The following NSG2 variants were observed in gnomAD, a reference collection of about 807,000 sequenced individuals.
The protein encoded by NSG2 is neuronal vesicle trafficking associated 2.
Under a neutral mutation model 16.9 loss-of-function variants are expected in NSG2, and 4 were observed. The observed-to-expected ratio is 0.24, with a 90% CI of 0.12 to 0.54. NSG2 has a LOEUF of 0.54. Among genes scored for constraint, NSG2 ranks in the 20% least tolerant of loss-of-function variants. The pLI, the probability that NSG2 is intolerant of heterozygous loss-of-function variation, is 0.95. For synonymous variants in NSG2, 98 were observed against 88.7 expected (o/e 1.11, Z -0.59); for missense variants, 179 against 221.1 (o/e 0.81, Z 1.21).
intron 3 of NSG2, among the ~76,000 whole-genome samples, chr5:174,075,828 T>A (rs952600548): frequency 4.6e-5 from 7 of 152,246 alleles, no homozygotes; most frequent in African/African-American, 1.4e-4. Flanking sequence ...CAGCTTTTCA[T>A]GTTGCCAGTA....
At chr5:174,101,591 G>A (rs963599823) in intron 3 of NSG2, among the ~76,000 whole-genome samples, 7 of 152,220 alleles carry the variant, frequency 4.6e-5, no homozygotes, top group East Asian at 3.8e-4. Flanking sequence ...TCAGCATCAC[G>A]TTTGAAGGGC....
chr5:174,083,322 T>C (rs1245888815), intron 3 of NSG2, among the ~76,000 whole-genome samples: 1 of 152,218 alleles, frequency 6.6e-6, no homozygotes, highest in Non-Finnish European at 1.5e-5. Context: ...CATGGTAAAA[T>C]ATGAATGACA....
chr5:174,060,549 T>C (rs1760033758), intron 2 of NSG2, among the ~76,000 whole-genome samples: 1 of 152,112 alleles, frequency 6.6e-6, no homozygotes, highest in Admixed American at 6.6e-5. Context: ...GTGTGACAAA[T>C]TACCAAAAAT....
intron 2 of NSG2, chr5:174,056,477 C>T (rs1173000861): frequency 2.0e-5 from 3 of 152,186 alleles, no homozygotes; most frequent in Non-Finnish European, 4.4e-5. Context: ...CGACTGAACT[C>T]TCAGAGGCTA....
intron 3 of NSG2, among the ~76,000 whole-genome samples, chr5:174,076,009 C>A (rs566247648): frequency 6.6e-6 from 1 of 152,316 alleles, no homozygotes; most frequent in East Asian, 1.9e-4. Flanking sequence ...CATTCTAATT[C>A]TTGACAACCT....
At chr5:174,095,743 C>T (rs983597917) in intron 3 of NSG2, among the ~76,000 whole-genome samples, 2 of 152,134 alleles carry the variant, frequency 1.3e-5, no homozygotes, top group African/African-American at 4.8e-5. Flanking sequence ...CCCACGTAAC[C>T]CTCAGAACTC....
chr5:174,049,447 A>G (rs913923392), intron 2 of NSG2, among the ~76,000 whole-genome samples: 16 of 151,012 alleles, frequency 1.1e-4, no homozygotes, highest in Non-Finnish European at 2.1e-4. Context: ...GCGCACGTGC[A>G]CACACACACA....
At chr5:174,070,853 G>C (rs140681120) in intron 3 of NSG2, among the ~76,000 whole-genome samples, 1 of 152,168 alleles carries the variant, frequency 6.6e-6, no homozygotes, top group Non-Finnish European at 1.5e-5. Flanking sequence ...GAGGTGTCTG[G>C]TGCATCTCTG....
Position 174,077,494 on chromosome 5 carries a change from C to T in NSG2, c.213+13179C>T, listed in dbSNP as rs114698296. 8.5e-5 allele frequency among the ~76,000 whole-genome samples: 13 copies of T among 152,294 alleles called. No homozygotes were observed. In the South Asian group the frequency reaches 2.3e-3, roughly 27 times the overall value. On this transcript the variant is annotated intron_variant, in intron 3 of 4. Transcript: ENST00000303177. The stretch of plus-strand genomic sequence containing the variant: ...CAAGCTAAATTACCTGTCGAATTCT[C>T]GACACACTGGACCCGATTTCATCTC...
intron 2 of NSG2, among the ~76,000 whole-genome samples, chr5:174,058,303 T>A (rs1425242055): frequency 1.3e-5 from 2 of 152,238 alleles, no homozygotes; most frequent in Non-Finnish European, 2.9e-5. Context: ...TGGTGGCACA[T>A]GCCTGTAGTC....
At chr5:174,061,849 C>G (rs899808974) in intron 2 of NSG2, among the ~76,000 whole-genome samples, 1 of 151,706 alleles carries the variant, frequency 6.6e-6, no homozygotes, top group African/African-American at 2.4e-5. Context: ...ATGATCCACC[C>G]GCCTCAGCCT....
At chr5:174,063,999 TAA>T (rs1331386182) in intron 2 of NSG2, among the ~76,000 whole-genome samples, 2 of 152,174 alleles carry the variant, frequency 1.3e-5, no homozygotes, top group East Asian at 3.8e-4. Context: ...TGTACATATA[TAA>T]GTCTATATAA....
chr5:174,081,816 G>A (rs771486731), intron 3 of NSG2, among the ~76,000 whole-genome samples: 2 of 150,678 alleles, frequency 1.3e-5, no homozygotes, highest in Non-Finnish European at 3.0e-5. Flanking sequence ...CATGAACCCG[G>A]GAGGCAGAGC....
chr5:174,081,461 A>G (rs1392743743), intron 3 of NSG2: 1 of 152,164 alleles, frequency 6.6e-6, no homozygotes, highest in African/African-American at 2.4e-5. Flanking sequence ...ATATTAAGCC[A>G]TTCTTACATG....
chr5:174,096,154 C>G (rs531915258), intron 3 of NSG2, among the ~76,000 whole-genome samples: 50 of 152,368 alleles, frequency 3.3e-4, no homozygotes, highest in African/African-American at 1.2e-3. Flanking sequence ...AGAACAGTGC[C>G]TGGCACAATC....
intron 3 of NSG2, among the ~76,000 whole-genome samples, chr5:174,076,772 G>A (rs992185961): frequency 3.3e-5 from 5 of 152,154 alleles, no homozygotes; most frequent in Non-Finnish European, 5.9e-5. Flanking sequence ...TCACAGCTGG[G>A]GGTAGGGATG....
chr5:174,078,653 GT>G (rs1760389183), intron 3 of NSG2, among the ~76,000 whole-genome samples: 1 of 152,184 alleles, frequency 6.6e-6, no homozygotes, highest in Non-Finnish European at 1.5e-5. Flanking sequence ...TTATTAGGAG[GT>G]GGGGCCTTTG....
chr5:174,049,080 C>T (rs189469871), intron 2 of NSG2, among the ~76,000 whole-genome samples: 13 of 152,172 alleles, frequency 8.5e-5, no homozygotes, highest in African/African-American at 2.4e-4. Flanking sequence ...TGGCTCATGC[C>T]TGTAATCCCA....
intron 2 of NSG2, among the ~76,000 whole-genome samples, chr5:174,058,594 A>G (rs914040470): frequency 1.3e-5 from 2 of 152,168 alleles, no homozygotes; most frequent in Non-Finnish European, 2.9e-5. Flanking sequence ...GTGGAGACGG[A>G]GGAGGGCTGC....
Sources: allele counts gnomAD v4.1 joint callset (sites outside exome capture counted in the v4.1 genomes callset), GRCh38; gene constraint gnomAD v4.1.1; transcripts MANE v1.5; gene names NCBI Gene and HGNC (gene_info 2026-07-23, HGNC 2026-07-21).